SAMMSON: variants seen among roughly 807,000 people sequenced by gnomAD.
The protein encoded by SAMMSON is long intergenic non-protein coding RNA 1212.
At chr3:70,146,528 A>T (rs1341668605) in intron 4 of SAMMSON, among the ~76,000 whole-genome samples, 1 of 152,016 alleles carries the variant, frequency 6.6e-6, no homozygotes, top group Non-Finnish European at 1.5e-5. Flanking sequence ...CAATCAATGT[A>T]ATCCACTAGA....
At chr3:70,180,791 G>A (rs1164885073) in intron 4 of SAMMSON, among the ~76,000 whole-genome samples, 1 of 152,160 alleles carries the variant, frequency 6.6e-6, no homozygotes, top group Non-Finnish European at 1.5e-5. Context: ...CCCTGGTCAT[G>A]GAGTTACAGA....
chr3:70,320,135 G>T (rs932962587), intron 7 of SAMMSON, among the ~76,000 whole-genome samples: 4 of 152,012 alleles, frequency 2.6e-5, no homozygotes, highest in Non-Finnish European at 5.9e-5. Flanking sequence ...CAGCAAACAG[G>T]AATAGGGGTC....
intron 7 of SAMMSON, among the ~76,000 whole-genome samples, chr3:70,353,801 C>T (rs943614259): frequency 9.2e-5 from 14 of 152,154 alleles, no homozygotes; most frequent in Admixed American, 2.0e-4. Context: ...ATAATAACCC[C>T]AAAACTGAAG....
chr3:70,250,120 G>GA (rs1701746446), intron 6 of SAMMSON, among the ~76,000 whole-genome samples: 2 of 152,134 alleles, frequency 1.3e-5, no homozygotes, highest in Admixed American at 6.6e-5. Context: ...TAAGCCAGGG[G>GA]ATTTTTTAGC....
chr3:70,332,227 C>CAGA (rs1382724916), intron 7 of SAMMSON, among the ~76,000 whole-genome samples: 1 of 152,174 alleles, frequency 6.6e-6, no homozygotes, highest in East Asian at 1.9e-4. Flanking sequence ...GGACTATTAC[C>CAGA]AGAAGCTCAC....
At chr3:70,021,129 C>T (rs1225271723) in intron 3 of SAMMSON, among the ~76,000 whole-genome samples, 1 of 152,106 alleles carries the variant, frequency 6.6e-6, no homozygotes, top group Non-Finnish European at 1.5e-5. Context: ...GGAAAACATT[C>T]CCTGTGTGTG....
At chr3:70,259,772 A>T (rs914454101) in intron 6 of SAMMSON, among the ~76,000 whole-genome samples, 13 of 152,182 alleles carry the variant, frequency 8.5e-5, no homozygotes, top group African/African-American at 3.1e-4. Context: ...ACCGGTATAA[A>T]AACTGACCGA....
At chr3:70,405,736 G>A (rs1158495722) in intron 2 of SAMMSON, among the ~76,000 whole-genome samples, 1 of 152,150 alleles carries the variant, frequency 6.6e-6, no homozygotes, top group African/African-American at 2.4e-5. Flanking sequence ...GCATGTAGCT[G>A]GACTCCGGAA....
chr3:70,110,052 C>A (rs1013766784), intron 4 of SAMMSON, among the ~76,000 whole-genome samples: 2 of 152,192 alleles, frequency 1.3e-5, no homozygotes, highest in Admixed American at 6.5e-5. Flanking sequence ...CATTAGTGAT[C>A]GTGATAACCA....
intron 2 of SAMMSON, among the ~76,000 whole-genome samples, chr3:70,407,553 A>G (rs943803014): frequency 1.3e-5 from 2 of 152,234 alleles, no homozygotes; most frequent in African/African-American, 4.8e-5. Flanking sequence ...CAAATTTTAA[A>G]GCTTCAAAAT....
chr3:70,040,055 A>C (rs55906238), intron 3 of SAMMSON, among the ~76,000 whole-genome samples: 2,884 of 152,234 alleles, frequency 0.019, 93 homozygotes, highest in African/African-American at 0.064. Flanking sequence ...TTTGGGCTTT[A>C]AAGTCAGAGA....
intron 4 of SAMMSON, among the ~76,000 whole-genome samples, chr3:70,200,075 T>A (rs376495335): frequency 2.6e-5 from 4 of 152,148 alleles, no homozygotes. Flanking sequence ...ACCTTCCCCA[T>A]GCAATTCATT....
rs201551411 is a variant in SAMMSON at position 70,383,347 on chromosome 3, T to A, written n.914-6227T>A. ...CAATTGTTTTCCCTTAAAATAAAAATAAAAAAAAAAAACAACCTTATGGTC... is the reference window on the plus strand; with the variant it reads ...CAATTGTTTTCCCTTAAAATAAAAAAAAAAAAAAAAAACAACCTTATGGTC... On this transcript the variant is annotated intron_variant and non_coding_transcript_variant, in intron 9 of 9. Coordinates refer to ENST00000642114, the Ensembl canonical transcript of SAMMSON. Among the ~76,000 whole-genome samples the A allele has an allele frequency of 4.5e-3, 656 of 144,540 alleles. 3 individuals carry two copies. The highest frequency in any genetic ancestry group is 0.013 in the African/African-American group (505 of 39,610). The allele number at this position is 144,540 out of a possible 152,430, so 94.8% of individuals were successfully genotyped here. A position where few individuals can be genotyped will look rare whatever the true frequency, so the allele number is the denominator to read the frequency against.
intron 7 of SAMMSON, among the ~76,000 whole-genome samples, chr3:70,305,942 T>C (rs1702395849): frequency 6.6e-6 from 1 of 152,194 alleles, no homozygotes; most frequent in South Asian, 2.1e-4. Flanking sequence ...TAGGCTCTTT[T>C]CTAGTATTTT....
chr3:70,273,806 T>C (rs949397805), intron 6 of SAMMSON, among the ~76,000 whole-genome samples: 1 of 152,116 alleles, frequency 6.6e-6, no homozygotes, highest in East Asian at 1.9e-4. Context: ...TTTTTCTCTT[T>C]TGTTTTGTTT....
At chr3:70,378,695 A>G (rs1482724072) in intron 9 of SAMMSON, among the ~76,000 whole-genome samples, 1 of 152,150 alleles carries the variant, frequency 6.6e-6, no homozygotes, top group African/African-American at 2.4e-5. Flanking sequence ...TTACTTATGC[A>G]TTTACCTTTA....
chr3:70,422,955 T>G (rs1422301761), intron 2 of SAMMSON, among the ~76,000 whole-genome samples: 1 of 151,940 alleles, frequency 6.6e-6, no homozygotes, highest in Non-Finnish European at 1.5e-5. Context: ...TTTAATAAAA[T>G]GTATGTTTTG....
intron 9 of SAMMSON, among the ~76,000 whole-genome samples, chr3:70,358,914 A>T (rs1702850657): frequency 6.6e-6 from 1 of 152,144 alleles, no homozygotes. Context: ...TGGTTTTAAT[A>T]CTAGGAGTGT....
intron 7 of SAMMSON, among the ~76,000 whole-genome samples, chr3:70,297,120 A>C (rs1183908109): frequency 6.6e-6 from 1 of 152,122 alleles, no homozygotes; most frequent in Non-Finnish European, 1.5e-5. Context: ...TTTCTCTCTG[A>C]ACCTTGCTTA....
Sources: allele counts gnomAD v4.1 joint callset (sites outside exome capture counted in the v4.1 genomes callset), GRCh38; gene constraint gnomAD v4.1.1; transcripts MANE v1.5; gene names NCBI Gene and HGNC (gene_info 2026-07-23, HGNC 2026-07-21).